The following SSH2 variants were observed in gnomAD, a reference collection of about 807,000 sequenced individuals.
The protein encoded by SSH2 is slingshot protein phosphatase 2, also known as protein phosphatase Slingshot homolog 2.
In SSH2, 37 loss-of-function variants were observed where a neutral mutation model predicts 135.2. The ratio of observed to expected loss-of-function variants is 0.27; its 90% CI spans 0.21 to 0.36. SSH2 has a LOEUF of 0.36. SSH2 is among the 10% of genes least tolerant of loss of function. SSH2 has a pLI of 1.00. For synonymous variants in SSH2, 628 were observed against 646.2 expected, an observed-to-expected ratio of 0.97 and a Z score of 0.43; for missense variants, 1,408 against 1,765.3, an observed-to-expected ratio of 0.80 and a Z score of 3.63.
intron 11 of SSH2, among the ~76,000 whole-genome samples, chr17:29,664,359 C>T (rs989998129): frequency 1.5e-4 from 21 of 140,576 alleles, no homozygotes; most frequent in Non-Finnish European, 2.9e-4. Flanking sequence ...GGCGACAGAG[C>T]GAGACTCCGT....
intron 1 of SSH2, among the ~76,000 whole-genome samples, chr17:29,883,733 G>A (rs1446749722): frequency 6.6e-6 from 1 of 152,064 alleles, no homozygotes; most frequent in Non-Finnish European, 1.5e-5. Context: ...TAGTGTCTTA[G>A]ACCAGTCCCC....
chr17:29,709,696 C>T (rs911087155), intron 3 of SSH2, among the ~76,000 whole-genome samples: 2 of 152,054 alleles, frequency 1.3e-5, no homozygotes, highest in African/African-American at 4.8e-5. Context: ...ATGTAGAGTA[C>T]AGGAGTGAGA....
intron 1 of SSH2, among the ~76,000 whole-genome samples, chr17:29,849,335 C>T (rs1027317668): frequency 5.9e-5 from 9 of 151,878 alleles, no homozygotes; most frequent in Non-Finnish European, 1.0e-4. Flanking sequence ...AAAAATTAGC[C>T]GGGTGTGGTG....
chr17:29,722,664 T>A (rs183724394), intron 3 of SSH2, among the ~76,000 whole-genome samples: 7 of 152,352 alleles, frequency 4.6e-5, no homozygotes, highest in Non-Finnish European at 8.8e-5. Flanking sequence ...GATTTTTTTC[T>A]TTTTGAAAAT....
chr17:29,706,748 C>T (rs181964017), intron 3 of SSH2, among the ~76,000 whole-genome samples: 2 of 152,230 alleles, frequency 1.3e-5, no homozygotes, highest in African/African-American at 4.8e-5. Flanking sequence ...CAAAGCAGTT[C>T]GCTACATCTA....
intron 2 of SSH2, among the ~76,000 whole-genome samples, chr17:29,829,720 T>TAG (rs996595071): frequency 6.6e-6 from 1 of 152,094 alleles, no homozygotes; most frequent in African/African-American, 2.4e-5. Flanking sequence ...TGTGCTCATA[T>TAG]AGAAGCCCAT....
chr17:29,928,789 C>T (rs538716241), intron 1 of SSH2, among the ~76,000 whole-genome samples: 1 of 138,560 alleles, frequency 7.2e-6, no homozygotes, highest in African/African-American at 2.6e-5. Flanking sequence ...AGTTAACATA[C>T]AAATATTAAG....
intron 1 of SSH2, among the ~76,000 whole-genome samples, chr17:29,850,569 C>T (rs1476885981): frequency 1.3e-5 from 2 of 152,158 alleles, no homozygotes; most frequent in Admixed American, 6.6e-5. Context: ...TTACTTCCTT[C>T]TCATTTTTTT....
intron 8 of SSH2, 86 bp downstream of exon 8, chr17:29,676,734 A>G (rs1234324324): frequency 9.0e-7 from 1 of 1,114,656 alleles, no homozygotes; most frequent in African/African-American, 1.5e-5. Flanking sequence ...TTTTCATAGC[A>G]AACTGTACCA....
intron 8 of SSH2, among the ~76,000 whole-genome samples, chr17:29,672,523 A>C (rs1389640195): frequency 6.6e-6 from 1 of 152,196 alleles, no homozygotes; most frequent in East Asian, 1.9e-4. Flanking sequence ...ACAGGATGTT[A>C]CAGCATATAT....
intron 3 of SSH2, among the ~76,000 whole-genome samples, chr17:29,712,829 G>A (rs2039489250): frequency 6.6e-6 from 1 of 152,020 alleles, no homozygotes; most frequent in Non-Finnish European, 1.5e-5. Context: ...AAACATTTAT[G>A]AGCTTGTAAC....
At chr17:29,671,866 A>C in intron 9 of SSH2, 69 bp downstream of exon 9, 2 of 1,330,418 alleles carry the variant, frequency 1.5e-6, no homozygotes, top group Non-Finnish European at 2.1e-6. Context: ...ATTAGGGAGG[A>C]ACATGCTTCT....
At chr17:29,886,155 C>G (rs967857989) in intron 1 of SSH2, among the ~76,000 whole-genome samples, 1 of 151,906 alleles carries the variant, frequency 6.6e-6, no homozygotes, top group Non-Finnish European at 1.5e-5. Context: ...TTGGAGGGCT[C>G]AGAAGACAGG....
At chr17:29,700,963 A>C (rs370843886) in intron 4 of SSH2, among the ~76,000 whole-genome samples, 27 of 145,838 alleles carry the variant, frequency 1.9e-4, no homozygotes, top group South Asian at 8.8e-4. Flanking sequence ...TAATTTTTGT[A>C]TTTTTTTCTT....
chr17:29,806,306 T>C (rs753448060), intron 2 of SSH2, among the ~76,000 whole-genome samples: 4 of 152,228 alleles, frequency 2.6e-5, no homozygotes, highest in Non-Finnish European at 5.9e-5. Context: ...ATCTGCCTCA[T>C]GGAAGTGAGA....
chr17:29,913,353 TATATATATATA>T (rs2066815968), intron 1 of SSH2, among the ~76,000 whole-genome samples: 2 of 28,594 alleles, frequency 7.0e-5, no homozygotes, highest in East Asian at 9.8e-4. Context: ...AAAAAATATA[TATATATATATA>T]TATATATATA....
chr17:29,836,142 C>T (rs1363850604), intron 2 of SSH2, among the ~76,000 whole-genome samples: 1 of 151,954 alleles, frequency 6.6e-6, no homozygotes, highest in Non-Finnish European at 1.5e-5. Flanking sequence ...ATTCCAAGTA[C>T]ATATCTGACA....
At chr17:29,742,697 T>G (rs1399208658) in intron 3 of SSH2, among the ~76,000 whole-genome samples, 1 of 151,736 alleles carries the variant, frequency 6.6e-6, no homozygotes, top group Non-Finnish European at 1.5e-5. Context: ...TGCAGTGCCA[T>G]GATCTCAGCT....
At chr17:29,711,928 T>G (rs1314592152) in intron 3 of SSH2, among the ~76,000 whole-genome samples, 1 of 152,248 alleles carries the variant, frequency 6.6e-6, no homozygotes, top group African/African-American at 2.4e-5. Flanking sequence ...TTAGGAAGTT[T>G]ATTTTGCCAA....
Sources: gnomAD v4.1 joint callset for allele counts (sites outside exome capture counted in the v4.1 genomes callset) on GRCh38, gnomAD v4.1.1 for gene constraint, MANE v1.5 for transcripts, NCBI Gene and HGNC (gene_info 2026-07-23, HGNC 2026-07-21) for gene names.